MTFMT: variants seen among roughly 807,000 people sequenced by gnomAD.
MTFMT encodes the protein methionyl-tRNA formyltransferase, mitochondrial.
In MTFMT, 47 loss-of-function variants were observed where a neutral mutation model predicts 51.8. The observed-to-expected ratio is 0.91, with a 90% CI of 0.72 to 1.16. MTFMT has a LOEUF of 1.16. Ranked by LOEUF, MTFMT falls within the 50% of genes most tolerant of loss-of-function variation. The pLI, the probability that MTFMT is intolerant of heterozygous loss-of-function variation, is 0.00. For missense variants in MTFMT, 512 were observed against 482.3 expected (o/e 1.06, Z -0.58); for synonymous variants, 196 against 176.7 (o/e 1.11, Z -0.87).
rs2086199512 is a variant in MTFMT, at chr15:65,003,866, A to AAAAAAAAAAAAAAAG, written c.976-611_976-610insCTTTTTTTTTTTTTT. Among the ~76,000 whole-genome samples the AAAAAAAAAAAAAAAG allele has an allele frequency of 4.1e-5, 6 of 147,746 alleles. No homozygotes were observed. The East Asian group carries it at 1.2e-3, about 29-fold the overall frequency. On this transcript the variant is annotated intron_variant, in intron 8 of 8. Coordinates refer to ENST00000220058, the MANE Select transcript of MTFMT (RefSeq NM_139242.4). ...ATCTCAAAAAAAAAAAAAAAAAAAA[A>AAAAAAAAAAAAAAAG]GGGAAATACATATATATAGACCCAG...
intron 3 of MTFMT, among the ~76,000 whole-genome samples, chr15:65,022,769 C>T (rs952316298): frequency 1.3e-5 from 2 of 148,766 alleles, no homozygotes; most frequent in African/African-American, 2.5e-5. Context: ...TGCAGTGGTG[C>T]GATCTTGCCT....
chr15:65,011,385 T>C (rs150972586), intron 6 of MTFMT, among the ~76,000 whole-genome samples: 216 of 152,182 alleles, frequency 1.4e-3, no homozygotes, highest in African/African-American at 4.6e-3. Flanking sequence ...GGGTTATTTG[T>C]CGTTTTACTG....
intron 6 of MTFMT, among the ~76,000 whole-genome samples, chr15:65,006,916 G>A (rs755896774): frequency 1.3e-5 from 2 of 152,148 alleles, no homozygotes; most frequent in Admixed American, 6.5e-5. Context: ...CACAGTGATA[G>A]AGACAGGAGA....
At chr15:65,014,322 A>ATTTTTTTTTTTTTTTTTTTTTTTTTTTTT (rs35599676) in intron 6 of MTFMT, among the ~76,000 whole-genome samples, 1 of 123,104 alleles carries the variant, frequency 8.1e-6, no homozygotes, top group Non-Finnish European at 1.7e-5. Flanking sequence ...ACACTATTTG[A>ATTTTTTTTTTTTTTTTTTTTTTTTTTTTT]TTTTTTTTTT....
intron 4 of MTFMT, 44 bp downstream of exon 4, chr15:65,021,470 C>A: frequency 7.2e-7 from 1 of 1,394,586 alleles, no homozygotes. Context: ...ACTTAGGAAA[C>A]CCACTAAATG....
At chr15:65,009,260 G>A (rs771606524) in intron 6 of MTFMT, among the ~76,000 whole-genome samples, 1 of 152,204 alleles carries the variant, frequency 6.6e-6, no homozygotes, top group African/African-American at 2.4e-5. Flanking sequence ...GAATCATCAT[G>A]TAGTAAGTTA....
intron 6 of MTFMT, among the ~76,000 whole-genome samples, chr15:65,015,346 A>G (rs2086311206): frequency 6.6e-6 from 1 of 152,166 alleles, no homozygotes; most frequent in South Asian, 2.1e-4. Context: ...TTCATTAACT[A>G]GCAACACGAC....
intron 6 of MTFMT, among the ~76,000 whole-genome samples, chr15:65,013,087 A>G (rs1241495985): frequency 6.6e-6 from 1 of 152,100 alleles, no homozygotes; most frequent in Non-Finnish European, 1.5e-5. Context: ...AGATCATATC[A>G]TCCACAAATA....
rs546858201 is a variant in MTFMT at position 65,009,676 on chromosome 15, C to T, written c.814-3485G>A. On this transcript the variant is annotated intron_variant, in intron 6 of 8. Coordinates refer to ENST00000220058, the MANE Select transcript of MTFMT (RefSeq NM_139242.4). The stretch of plus-strand genomic sequence containing the variant: ...TTTTTTAATTTTTTTTTTTAAAGAC[C>T]GGATCTTGCTCTGTCATCCAGGCTG... Among the ~76,000 whole-genome samples the T allele has an allele frequency of 1.9e-3, 172 of 89,356 alleles. 6 individuals are homozygous for T. The South Asian group carries it at 0.07, about 37-fold the overall frequency. The allele number at this position is 89,356 out of a possible 152,430, so 58.6% of individuals were successfully genotyped here. A position where few individuals can be genotyped will look rare whatever the true frequency, so the allele number is the denominator to read the frequency against.
chr15:65,022,987 C>T (rs2086388129), intron 3 of MTFMT, among the ~76,000 whole-genome samples: 1 of 152,136 alleles, frequency 6.6e-6, no homozygotes, highest in Non-Finnish European at 1.5e-5. Context: ...CCATGCCTGG[C>T]TCAGATTTTA....
chr15:65,023,829 G>A (rs1478956330), intron 2 of MTFMT, 35 bp from the exon 3 acceptor site: 6 of 1,564,720 alleles, frequency 3.8e-6, no homozygotes, highest in Non-Finnish European at 5.2e-6. Flanking sequence ...GTATGTCAGT[G>A]GGCTTTACCA....
chr15:65,003,559 A>G (rs902191210), intron 8 of MTFMT, among the ~76,000 whole-genome samples: 1 of 152,180 alleles, frequency 6.6e-6, no homozygotes, highest in Admixed American at 6.5e-5. Flanking sequence ...GGTATGTAAC[A>G]TGAAATACAC....
chr15:65,017,232 C>A (rs1171397802), intron 5 of MTFMT, among the ~76,000 whole-genome samples: 1 of 151,770 alleles, frequency 6.6e-6, no homozygotes, highest in African/African-American at 2.4e-5. Flanking sequence ...AAGAAAAAGA[C>A]CAAAATGTTG....
In MTFMT at chr15:65,029,485, G is replaced by A. The variant is rs1453142013; in HGVS notation, c.129C>T (p.Arg43=). The A allele has an allele frequency of 2.0e-6, 3 of 1,533,738 alleles. No individual in the cohort carries two copies. The highest frequency in any genetic ancestry group is 1.8e-6 in the Non-Finnish European group (2 of 1,141,824). ...GWEDCRDSRV[R]EKPPWRVLFF... is the part of the protein sequence containing the mutation. ...AGAGCACCCGCCAGGGAGGCTTCTC[G>A]CGGACTCTGGAGTCCCGGCAGTCCT... is the stretch of plus-strand genomic sequence containing the variant. The change falls in exon 1 of 9, where the codon CGC becomes CGT. Residue 43 remains arginine (R), a synonymous_variant. Coordinates refer to ENST00000220058, the MANE Select transcript of MTFMT (RefSeq NM_139242.4).
At chr15:65,016,892 T>C (rs985453950) in intron 5 of MTFMT, among the ~76,000 whole-genome samples, 1 of 151,748 alleles carries the variant, frequency 6.6e-6, no homozygotes, top group African/African-American at 2.4e-5. Context: ...GAGATTCTTG[T>C]GCCTCAGCCT....
intron 5 of MTFMT, among the ~76,000 whole-genome samples, chr15:65,017,591 A>G (rs940670530): frequency 5.3e-5 from 8 of 152,202 alleles, no homozygotes; most frequent in Non-Finnish European, 1.2e-4. Context: ...TGAGTCTAGG[A>G]GTTCAAGACC....
intron 6 of MTFMT, among the ~76,000 whole-genome samples, chr15:65,013,278 TTTC>T (rs149601187): frequency 0.052 from 7,015 of 134,314 alleles, 545 homozygotes; most frequent in African/African-American, 0.17. Context: ...ATTTTCTTTC[TTTC>T]TTCTTCTTTT....
At chr15:65,025,456 G>C (rs1026412048) in intron 2 of MTFMT, among the ~76,000 whole-genome samples, 16 of 152,058 alleles carry the variant, frequency 1.1e-4, no homozygotes, top group Non-Finnish European at 2.4e-4. Flanking sequence ...CTGCTGGATT[G>C]GTAAAAGACT....
chr15:65,021,271 G>A (rs996076072), intron 4 of MTFMT, among the ~76,000 whole-genome samples: 4 of 152,220 alleles, frequency 2.6e-5, no homozygotes, highest in Admixed American at 6.5e-5. Flanking sequence ...ACTATGGCAT[G>A]TAGTAGGTCA....
Sources: gnomAD v4.1 joint callset for allele counts (sites outside exome capture counted in the v4.1 genomes callset) on GRCh38, gnomAD v4.1.1 for gene constraint, MANE v1.5 for transcripts, NCBI Gene and HGNC (gene_info 2026-07-23, HGNC 2026-07-21) for gene names.